Variants in MSRB3 observed in about 807,000 individuals in gnomAD.
The protein encoded by MSRB3 is methionine-R-sulfoxide reductase B3.
MSRB3 carries 13 observed loss-of-function variants against 21.0 expected under a neutral mutation model. The observed-to-expected ratio is 0.62, with a 90% CI of 0.40 to 0.98. MSRB3 has a LOEUF of 0.98. Among genes scored for constraint, MSRB3 ranks in the 50% least tolerant of loss-of-function variants. The probability of loss-of-function intolerance (pLI) is 0.00; values close to 1 mark genes in which losing one functional copy is unlikely to be tolerated. For synonymous variants in MSRB3, 87 were observed against 88.6 expected, an observed-to-expected ratio of 0.98 and a Z score of 0.10; for missense variants, 199 against 230.3, an observed-to-expected ratio of 0.86 and a Z score of 0.88.
intron 1 of MSRB3, among the ~76,000 whole-genome samples, chr12:65,280,351 A>T (rs1198348324): frequency 1.3e-5 from 2 of 152,198 alleles, no homozygotes; most frequent in Admixed American, 1.3e-4. Flanking sequence ...ACAGGTTCTA[A>T]TTTCACATTT....
rs571433559 is a variant in MSRB3 at position 65,444,849 on chromosome 12, C to T, written c.293-8879C>T. ...TGTCCTCTTCCTATTTCTGGAAATG[C>T]TCTTTTCTTTTCCTCTACTGACTCT... On this transcript the variant is annotated intron_variant, in intron 5 of 6. Coordinates refer to ENST00000308259, the MANE Select transcript of MSRB3 (RefSeq NM_001031679.3). Among the ~76,000 whole-genome samples the T allele has an allele frequency of 7.2e-5, 11 of 152,268 alleles. No homozygotes were observed. The South Asian group carries it at 2.3e-3, about 32-fold the overall frequency.
intron 5 of MSRB3, among the ~76,000 whole-genome samples, chr12:65,375,778 G>C (rs1878576801): frequency 1.3e-5 from 2 of 151,562 alleles, no homozygotes; most frequent in African/African-American, 4.8e-5. Context: ...ATTTTCTTTT[G>C]GACATGATAG....
rs113215141 is a variant in MSRB3 at position 65,421,306 on chromosome 12, G to A, written c.293-32422G>A. ...ATATCCTTTGCCCACTTTTTAATGT[G>A]GTTGTTTGTTTTTTTCTTGTACATT... On this transcript the variant is annotated intron_variant, in intron 5 of 6. Transcript: ENST00000308259. Among the ~76,000 whole-genome samples the A allele has an allele frequency of 3.2e-3, 489 of 152,044 alleles. 6 individuals are homozygous for A. The highest frequency in any genetic ancestry group is 0.011 in the African/African-American group (459 of 41,462).
chr12:65,315,541 G>A (rs1033281410), intron 2 of MSRB3, among the ~76,000 whole-genome samples: 10 of 151,682 alleles, frequency 6.6e-5, no homozygotes, highest in African/African-American at 1.9e-4. Context: ...CTGGTGGTGC[G>A]CCTGTAATCC....
intron 4 of MSRB3, among the ~76,000 whole-genome samples, chr12:65,355,787 C>T (rs1403690923): frequency 6.6e-6 from 1 of 151,682 alleles, no homozygotes; most frequent in African/African-American, 2.4e-5. Context: ...CTGCAAAGAC[C>T]CATTGAACTT....
intron 2 of MSRB3, among the ~76,000 whole-genome samples, chr12:65,316,672 G>T (rs1874319722): frequency 6.6e-6 from 1 of 152,076 alleles, no homozygotes; most frequent in African/African-American, 2.4e-5. Flanking sequence ...CTACATTCTG[G>T]TGAGAAAGAT....
chr12:65,358,958 T>C (rs1877550497), intron 4 of MSRB3, among the ~76,000 whole-genome samples: 1 of 151,882 alleles, frequency 6.6e-6, no homozygotes, highest in Non-Finnish European at 1.5e-5. Flanking sequence ...CACCCTGCCT[T>C]TTTTCTTTCT....
intron 2 of MSRB3, chr12:65,308,934 G>A (rs1280369504): frequency 1.9e-5 from 9 of 478,474 alleles, no homozygotes; most frequent in Non-Finnish European, 2.7e-5. Flanking sequence ...CTACACATCT[G>A]CAAATCATAA....
intron 2 of MSRB3, among the ~76,000 whole-genome samples, chr12:65,316,602 C>A (rs572507764): frequency 1.3e-5 from 2 of 152,226 alleles, no homozygotes; most frequent in East Asian, 3.9e-4. Context: ...TAAGTAACAT[C>A]ATCTTATATA....
intron 5 of MSRB3, among the ~76,000 whole-genome samples, chr12:65,445,139 G>A (rs1236007534): frequency 6.6e-6 from 1 of 152,070 alleles, no homozygotes; most frequent in Non-Finnish European, 1.5e-5. Context: ...TAGTAATAAT[G>A]TGATCCTGCC....
intron 5 of MSRB3, among the ~76,000 whole-genome samples, chr12:65,453,038 T>C (rs1882927365): frequency 1.3e-5 from 2 of 152,172 alleles, no homozygotes; most frequent in African/African-American, 2.4e-5. Flanking sequence ...GTGCATATAT[T>C]TTTAAAATCA....
At chr12:65,442,983 T>C (rs1318890094) in intron 5 of MSRB3, among the ~76,000 whole-genome samples, 1 of 152,102 alleles carries the variant, frequency 6.6e-6, no homozygotes, top group African/African-American at 2.4e-5. Context: ...GTTCAGTAAT[T>C]TTATTGAACC....
intron 5 of MSRB3, chr12:65,419,921 G>T (rs1382955197): frequency 1.7e-6 from 1 of 594,222 alleles, no homozygotes. Context: ...CATAGACGTT[G>T]GTTGTGCTGC....
rs12320673 is a variant in MSRB3 at position 65,413,466 on chromosome 12, C to T, written c.293-40262C>T. On this transcript the variant is annotated intron_variant, in intron 5 of 6. Coordinates refer to ENST00000308259, the MANE Select transcript of MSRB3 (RefSeq NM_001031679.3). ...CAGTAAAGGATATAACTTGGGATAACTTTTTAGTACTGTTCTTTGGCTCTG... is the reference window on the plus strand; with the variant it reads ...CAGTAAAGGATATAACTTGGGATAATTTTTTAGTACTGTTCTTTGGCTCTG... Among the ~76,000 whole-genome samples the T allele has an allele frequency of 9.1e-3, 1,386 of 152,252 alleles. 20 individuals carry two copies. The highest frequency in any genetic ancestry group is 0.032 in the African/African-American group (1,326 of 41,548).
chr12:65,348,678 T>C (rs767798478), intron 4 of MSRB3, among the ~76,000 whole-genome samples: 1 of 152,204 alleles, frequency 6.6e-6, no homozygotes. Flanking sequence ...ATTGTGACGT[T>C]AGGGTGTCAA....
At chr12:65,394,541 C>A (rs2136586092) in intron 5 of MSRB3, among the ~76,000 whole-genome samples, 1 of 152,264 alleles carries the variant, frequency 6.6e-6, no homozygotes, top group East Asian at 1.9e-4. Flanking sequence ...GCCAATTATT[C>A]ACAACTCTTC....
chr12:65,288,942 CA>C (rs1203788995), intron 1 of MSRB3, among the ~76,000 whole-genome samples: 1 of 151,886 alleles, frequency 6.6e-6, no homozygotes, highest in East Asian at 1.9e-4. Flanking sequence ...ATTTTATACA[CA>C]AAAAAGAATA....
At chr12:65,428,380 T>TG in intron 5 of MSRB3, among the ~76,000 whole-genome samples, 1 of 152,272 alleles carries the variant, frequency 6.6e-6, no homozygotes, top group East Asian at 1.9e-4. Flanking sequence ...TGGGGTTATT[T>TG]TGTTTGGAGA....
At chr12:65,396,702 A>G (rs898170752) in intron 5 of MSRB3, among the ~76,000 whole-genome samples, 10 of 26,420 alleles carry the variant, frequency 3.8e-4, no homozygotes, top group South Asian at 2.1e-3. Context: ...AAAAAAAAAA[A>G]AAAAAGAAAG....
Sources: allele counts gnomAD v4.1 joint callset (sites outside exome capture counted in the v4.1 genomes callset), GRCh38; gene constraint gnomAD v4.1.1; transcripts MANE v1.5; gene names NCBI Gene and HGNC (gene_info 2026-07-23, HGNC 2026-07-21).